The following ATP10B variants were observed in gnomAD, a reference collection of about 807,000 sequenced individuals.
The protein encoded by ATP10B is phospholipid-transporting ATPase VB.
In ATP10B, 122 loss-of-function variants were observed where a neutral mutation model predicts 141.2. The observed-to-expected ratio is 0.86, with a 90% CI of 0.75 to 1.00. ATP10B has a LOEUF of 1.00. ATP10B is among the 50% of genes least tolerant of loss of function. The pLI, the probability that ATP10B is intolerant of heterozygous loss-of-function variation, is 0.00. For missense variants in ATP10B, 1,876 were observed against 1,825.3 expected (o/e 1.03, Z -0.51); for synonymous variants, 685 against 692.0 (o/e 0.99, Z 0.16).
At chr5:160,614,185 T>C (rs1040458526) in intron 17 of ATP10B, 5 of 152,166 alleles carry the variant, frequency 3.3e-5, no homozygotes, top group East Asian at 1.9e-4. Flanking sequence ...TAAAAAGTGA[T>C]GGCTTGAGCC....
At chr5:160,779,171 A>C (rs1238100429) in intron 2 of ATP10B, among the ~76,000 whole-genome samples, 1 of 152,200 alleles carries the variant, frequency 6.6e-6, no homozygotes, top group Non-Finnish European at 1.5e-5. Context: ...CAGTAGTGAA[A>C]GCCAAGTACT....
At chr5:160,730,243 C>T (rs1002927128) in intron 2 of ATP10B, among the ~76,000 whole-genome samples, 7 of 152,182 alleles carry the variant, frequency 4.6e-5, no homozygotes, top group South Asian at 2.1e-4. Flanking sequence ...CAGGGCCCCA[C>T]AGCCATGGGC....
intron 6 of ATP10B, among the ~76,000 whole-genome samples, chr5:160,676,203 G>A (rs913920646): frequency 1.4e-4 from 21 of 152,182 alleles, no homozygotes; most frequent in African/African-American, 4.6e-4. Context: ...TGTGGTGGCA[G>A]TAAAGAAAGC....
intron 2 of ATP10B, among the ~76,000 whole-genome samples, chr5:160,721,352 G>A (rs1051984908): frequency 1.3e-5 from 2 of 152,038 alleles, no homozygotes; most frequent in African/African-American, 2.4e-5. Flanking sequence ...GCCACATCAG[G>A]GCTAATGCTC....
intron 1 of ATP10B, among the ~76,000 whole-genome samples, chr5:160,807,943 T>TA (rs1772896295): frequency 6.6e-6 from 1 of 152,144 alleles, no homozygotes; most frequent in Non-Finnish European, 1.5e-5. Context: ...TACCTGCCTT[T>TA]AAAAAGCCCC....
rs565490561 is a variant in ATP10B at position 160,684,326 on chromosome 5, C to A, written c.470+1753G>T. ...TCTCCTGCAACTCTCACAACCACCT[C>A]AGGAATTGTTCAAATTTTAGGAATT... On this transcript the variant is annotated intron_variant, in intron 6 of 25. Transcript: ENST00000327245. Among the ~76,000 whole-genome samples, 28 of 152,330 alleles carry A rather than the reference C, an allele frequency of 1.8e-4. No homozygotes were observed. In the South Asian group the frequency reaches 2.5e-3, roughly 14 times the overall value.
In ATP10B at chr5:160,585,880, T is replaced by C. The variant is rs930564939; in HGVS notation, c.3750+3712A>G. On this transcript the variant is annotated intron_variant, in intron 24 of 25. Coordinates refer to ENST00000327245, the MANE Select transcript of ATP10B (RefSeq NM_025153.3). ...CTGGTGTTTCTGGCCCATGAAGAAA[T>C]TTGTCCTGTACTTAAGCCTGGCTAT... 8.5e-5 allele frequency among the ~76,000 whole-genome samples: 13 copies of C among 152,292 alleles called. No individual in the cohort carries two copies. In the East Asian group the frequency reaches 9.7e-4, roughly 11 times the overall value.
intron 2 of ATP10B, among the ~76,000 whole-genome samples, chr5:160,730,197 T>C (rs1581428242): frequency 6.6e-6 from 1 of 152,132 alleles, no homozygotes; most frequent in East Asian, 1.9e-4. Flanking sequence ...GTTCTACAGA[T>C]GTGGAGAGTG....
chr5:160,867,190 T>A, the ATP10B span, among the ~76,000 whole-genome samples: 1 of 95,052 alleles, frequency 1.1e-5, no homozygotes, highest in Non-Finnish European at 2.5e-5. Context: ...TATGAGAGTC[T>A]CATATATATG....
intron 1 of ATP10B, among the ~76,000 whole-genome samples, chr5:160,795,567 A>G (rs1425141697): frequency 1.2e-5 from 1 of 80,890 alleles, no homozygotes; most frequent in Non-Finnish European, 2.6e-5. Flanking sequence ...TTTGGAACCT[A>G]TGAATTTTTT....
the ATP10B span, among the ~76,000 whole-genome samples, chr5:160,857,919 A>C: frequency 4.6e-5 from 7 of 152,052 alleles, no homozygotes; most frequent in African/African-American, 1.4e-4. Context: ...TTTGTGGCTC[A>C]GAATATATTA....
chr5:160,672,086 C>T (rs113584093), intron 6 of ATP10B, among the ~76,000 whole-genome samples: 1,594 of 150,136 alleles, frequency 0.011, 33 homozygotes, highest in African/African-American at 0.037. Context: ...AAGTGATCCT[C>T]CTTCCTCAGC....
chr5:160,918,738 C>G, the ATP10B span, among the ~76,000 whole-genome samples: 1 of 152,078 alleles, frequency 6.6e-6, no homozygotes, highest in South Asian at 2.1e-4. Flanking sequence ...CTCAGAATGT[C>G]CACCAGCCAA....
chr5:160,817,144 TC>T (rs1773698418), intron 1 of ATP10B, among the ~76,000 whole-genome samples: 1 of 152,190 alleles, frequency 6.6e-6, no homozygotes, highest in South Asian at 2.1e-4. Flanking sequence ...TGTTGGAAGT[TC>T]TGGCCAGGGC....
At chr5:160,784,278 A>G (rs1770970621) in intron 2 of ATP10B, among the ~76,000 whole-genome samples, 2 of 151,862 alleles carry the variant, frequency 1.3e-5, no homozygotes. Context: ...CTATACTTGA[A>G]TGGTGGTAAG....
chr5:160,880,452 G>A, the ATP10B span, among the ~76,000 whole-genome samples: 308 of 152,056 alleles, frequency 2.0e-3, 4 homozygotes, highest in African/African-American at 7.0e-3. Flanking sequence ...CTAAGTTTAC[G>A]TGGAGAGGAA....
chr5:160,834,306 C>T (rs1386248203), intron 1 of ATP10B, among the ~76,000 whole-genome samples: 1 of 151,956 alleles, frequency 6.6e-6, no homozygotes, highest in Non-Finnish European at 1.5e-5. Flanking sequence ...GCCTGGGAGA[C>T]ATAGCAAGAC....
At chr5:160,740,885 G>A (rs1767420604) in intron 2 of ATP10B, among the ~76,000 whole-genome samples, 1 of 152,174 alleles carries the variant, frequency 6.6e-6, no homozygotes, top group African/African-American at 2.4e-5. Context: ...AATCTGCTTT[G>A]GAAGATACGC....
rs1391889869 is a variant in ATP10B at position 160,609,254 on chromosome 5, A to G, written c.2839-2168T>C. On this transcript the variant is annotated intron_variant, in intron 18 of 25. Transcript: ENST00000327245. ...CAAAGTGAGTCAAATTATTAAGTAA[A>G]AAAAAGTACAAGTCATATACAGATT... Among the ~76,000 whole-genome samples the G allele has an allele frequency of 2.6e-5, 4 of 152,230 alleles. No homozygotes were observed. In the East Asian group the frequency reaches 7.7e-4, roughly 29 times the overall value.
Sources: gnomAD v4.1 joint callset for allele counts (sites outside exome capture counted in the v4.1 genomes callset) on GRCh38, gnomAD v4.1.1 for gene constraint, MANE v1.5 for transcripts, NCBI Gene and HGNC (gene_info 2026-07-23, HGNC 2026-07-21) for gene names.